The following ADGRA2 variants were observed in gnomAD, a reference collection of about 807,000 sequenced individuals.
The protein encoded by ADGRA2 is G-protein coupled receptor 124.
A neutral mutation model predicts 98.7 loss-of-function variants in ADGRA2; 61 were observed. That is an observed-to-expected ratio of 0.62 (90% CI 0.50 to 0.76). The LOEUF is 0.76. Among genes scored for constraint, ADGRA2 ranks in the 30% least tolerant of loss-of-function variants. The pLI, the probability that ADGRA2 is intolerant of heterozygous loss-of-function variation, is 0.00. For missense variants in ADGRA2, 1,712 were observed against 1,860.0 expected (o/e 0.92, Z 1.46); for synonymous variants, 858 against 831.5 (o/e 1.03, Z -0.55).
In ADGRA2 at chr8:37,797,126, G is replaced by C; in HGVS notation, c.-143G>C. On this transcript the variant is annotated 5_prime_UTR_variant, in exon 1 of 19. Coordinates refer to ENST00000412232, the MANE Select transcript of ADGRA2 (RefSeq NM_032777.10). The surrounding 1 kb of genome is among the most constrained non-coding windows in gnomAD (Gnocchi z 5.3). ...CCCGGGGCGCGGCGGCGGGGACCCC[G>C]GGGCTCGCCTCCGCCCAGGGCCCCC... is the stretch of plus-strand genomic sequence containing the variant. The C allele has an allele frequency of 3.9e-5, 18 of 467,006 alleles. No homozygotes were observed. Among genetic ancestry groups the C allele is most frequent in the East Asian group, 1.3e-4 (2 of 15,338 alleles). 28.9% of individuals were successfully genotyped at this position (467,006 alleles called of 1,614,324 possible). A position where few individuals can be genotyped will look rare whatever the true frequency, so the allele number is the denominator to read the frequency against.
intron 13 of ADGRA2, 42 bp from the exon 14 acceptor site, chr8:37,837,689 C>A (rs1476042670): frequency 2.0e-6 from 3 of 1,502,386 alleles, no homozygotes; most frequent in African/African-American, 1.4e-5. Context: ...ACCTCCCTGA[C>A]ACCCTGTGTG....
At position 37,838,980 on chromosome 8, in the gene ADGRA2, G is replaced by A; in HGVS notation, c.2284G>A (p.Val762Met). The A allele has an allele frequency of 6.3e-7, 1 of 1,577,176 alleles. No homozygotes were observed. Among genetic ancestry groups the A allele is most frequent in the South Asian group, 1.2e-5 (1 of 84,892 alleles). ...GGAGCTGAGCGCCTTTCCCAGGGAGGTGGGGGGCGCCGGGGCAGGGCTGCA... is the reference window on the plus strand; with the variant it reads ...GGAGCTGAGCGCCTTTCCCAGGGAGATGGGGGGCGCCGGGGCAGGGCTGCA... ...LMELSAFPRE[V>M]GGAGAGLHPV... The change falls in exon 15 of 19, where the codon GTG becomes ATG. Residue 762 changes from valine (V) to methionine (M), a missense_variant. By Grantham distance (21) the Val-to-Met change is conservative. Coordinates refer to ENST00000412232, the MANE Select transcript of ADGRA2 (RefSeq NM_032777.10).
chr8:37,824,715 C>T (rs184208768), intron 2 of ADGRA2, among the ~76,000 whole-genome samples: 154 of 152,194 alleles, frequency 1.0e-3, no homozygotes, highest in African/African-American at 3.6e-3. Flanking sequence ...AGGCTGGTCT[C>T]GAACTCCTGA....
At chr8:37,837,700 T>G in intron 13 of ADGRA2, 31 bp from the exon 14 acceptor site, 1 of 1,530,078 alleles carries the variant, frequency 6.5e-7, no homozygotes, top group South Asian at 1.2e-5. Context: ...ACCCTGTGTG[T>G]GTCTGTGTGG....
chr8:37,828,140 A>AAAAACAAAACAAAAC (rs59468651), intron 2 of ADGRA2, among the ~76,000 whole-genome samples: 1 of 151,280 alleles, frequency 6.6e-6, no homozygotes, highest in African/African-American at 2.4e-5. Flanking sequence ...ACCCAGCCTC[A>AAAAACAAAACAAAAC]AAAACAAAAC....
chr8:37,843,375 C>T lies in ADGRA2; in HGVS notation c.*1020C>T, dbSNP rs552409122. 3.9e-5 allele frequency: 6 copies of T among 152,420 alleles called. 1 individual carries two copies. The highest frequency in any genetic ancestry group is 1.4e-4 in the African/African-American group (6 of 41,580). The allele number at this position is 152,420 out of a possible 1,614,324, so 9.4% of individuals were successfully genotyped here. A position where few individuals can be genotyped will look rare whatever the true frequency, so the allele number is the denominator to read the frequency against. ...TCTCCAGCTCCACAGTAGAGAGAAA[C>T]CTACAAAATGTCAAACCAGCTTCCC... On this transcript the variant is annotated 3_prime_UTR_variant, in exon 19 of 19. Coordinates refer to ENST00000412232, the MANE Select transcript of ADGRA2 (RefSeq NM_032777.10).
intron 8 of ADGRA2, 66 bp downstream of exon 8, chr8:37,831,653 C>G: frequency 6.9e-7 from 1 of 1,453,718 alleles, no homozygotes; most frequent in Non-Finnish European, 9.5e-7. Flanking sequence ...CCTGACATCA[C>G]AGGTGGCCAG....
chr8:37,799,170 T>C (rs188496756), intron 1 of ADGRA2, among the ~76,000 whole-genome samples: 1 of 151,178 alleles, frequency 6.6e-6, no homozygotes, highest in East Asian at 1.9e-4. Context: ...AGGTCAGGAG[T>C]TCGAGACCAG....
intron 1 of ADGRA2, among the ~76,000 whole-genome samples, chr8:37,804,388 C>T (rs1475152201): frequency 6.6e-6 from 1 of 152,150 alleles, no homozygotes; most frequent in Non-Finnish European, 1.5e-5. Context: ...CAGCAGGGGC[C>T]CTGGAGGCCA....
chr8:37,802,308 C>T lies in ADGRA2; in HGVS notation c.266+4774C>T, dbSNP rs758131667. Among the ~76,000 whole-genome samples the T allele has an allele frequency of 4.1e-4, 63 of 152,216 alleles. No homozygotes were observed. The highest frequency in any genetic ancestry group is 1.0e-3 in the South Asian group (5 of 4,816). On this transcript the variant is annotated intron_variant, in intron 1 of 18. Transcript: ENST00000412232. The surrounding 1 kb of genome is among the most constrained non-coding windows in gnomAD (Gnocchi z 4.7). ...CAGGACAAGGATGCTGGTGGAGGGG[C>T]GGGCCCAGGCCGGCGCCTCCACCCC...
At chr8:37,840,942 C>T in intron 18 of ADGRA2, 93 bp downstream of exon 18, 3 of 1,154,436 alleles carry the variant, frequency 2.6e-6, no homozygotes. Flanking sequence ...TCCACCCAGC[C>T]ATAACCCAAC....
chr8:37,839,726 G>A, intron 16 of ADGRA2, 104 bp downstream of exon 16: 1 of 1,430,800 alleles, frequency 7.0e-7, no homozygotes, highest in Non-Finnish European at 9.6e-7. Flanking sequence ...GTGCTCATAG[G>A]CCGTGGCTCC....
chr8:37,839,621 C>T lies in ADGRA2; in HGVS notation c.2510C>T (p.Ala837Val), dbSNP rs781535229. 57 of 1,613,602 alleles carry T rather than the reference C, an allele frequency of 3.5e-5. No individual in the cohort carries two copies. Among genetic ancestry groups the T allele is most frequent in the Non-Finnish European group, 4.4e-5 (52 of 1,179,790 alleles). ...TLTNYQMVCQAVGITLHYSSL... is the reference protein window; with the variant it reads ...TLTNYQMVCQVVGITLHYSSL... ...ACCAACTACCAGATGGTCTGCCAGG[C>T]GGTAAGCAGGAGAAGGGGCTCTGGG... The change falls in exon 16 of 19, where the codon GCG becomes GTG. Residue 837 changes from alanine (A) to valine (V), a missense_variant and splice_region_variant. Physicochemically the swap from Ala to Val is moderately conservative, Grantham distance 64. Transcript: ENST00000412232.
rs1448997725 is a variant in ADGRA2 at position 37,841,793 on chromosome 8, C to T, written c.3455C>T (p.Ala1152Val). The T allele has an allele frequency of 3.9e-6, 6 of 1,531,194 alleles. No homozygotes were observed. The South Asian group carries it at 4.8e-5, about 12-fold the overall frequency. 94.9% of individuals were successfully genotyped at this position (1,531,194 alleles called of 1,614,324 possible). The change falls in exon 19 of 19, where the codon GCG (alanine) becomes GTG (valine). Residue 1152 changes from alanine (A) to valine (V), a missense_variant. Ala to Val is a moderately conservative substitution (Grantham distance 64). Coordinates refer to ENST00000412232, the MANE Select transcript of ADGRA2 (RefSeq NM_032777.10). This position sits in a 1 kb window ranked among gnomAD's most constrained non-coding sequence, Gnocchi z 5.0. Reference sequence around the variant, plus strand: ...AGTCAGGTGTGCGAGGCGGGGGCGGCGGCCGGCGGGGAAGGAGAGCCGGAG... The same window carrying T: ...AGTCAGGTGTGCGAGGCGGGGGCGGTGGCCGGCGGGGAAGGAGAGCCGGAG... ...AQSQVCEAGAAAGGEGEPEPA... is the reference protein window; with the variant it reads ...AQSQVCEAGAVAGGEGEPEPA...
chr8:37,835,158 A>G lies in ADGRA2; in HGVS notation c.1609-16A>G, dbSNP rs536674944. ...CACCATCTCAAATGGTGGGATGACA[A>G]GGTCCCTGTCCCCAGAATGCGAGGA... is the stretch of plus-strand genomic sequence containing the variant. On this transcript the variant is annotated splice_polypyrimidine_tract_variant and intron_variant, in intron 11 of 18. Coordinates refer to ENST00000412232, the MANE Select transcript of ADGRA2 (RefSeq NM_032777.10). 6.6e-5 allele frequency: 105 copies of G among 1,596,566 alleles called. 1 individual carries two copies. The South Asian group carries it at 1.1e-3, about 17-fold the overall frequency.
In ADGRA2 at chr8:37,835,367, C is replaced by T. The variant is rs754908217; in HGVS notation, c.1802C>T (p.Pro601Leu). 1 of 1,612,284 alleles carries T rather than the reference C, an allele frequency of 6.2e-7. No individual in the cohort carries two copies. Residue 601 changes from proline (P) to leucine (L), a missense_variant, in exon 12 of 19, where the codon CCC (proline) becomes CTC (leucine). Coordinates refer to ENST00000412232, the MANE Select transcript of ADGRA2 (RefSeq NM_032777.10). ...CGCTTCCGCTGCACCACCGGGAGGCCCAATGTTTCTCTGTCGTCCTTCCAC... is the reference window on the plus strand; with the variant it reads ...CGCTTCCGCTGCACCACCGGGAGGCTCAATGTTTCTCTGTCGTCCTTCCAC... The part of the protein sequence containing the change: ...QLRFRCTTGR[P>L]NVSLSSFHIK...
rs751655530 is a variant in ADGRA2, at chr8:37,840,742, A to G, written c.2658-18A>G. On this transcript the variant is annotated intron_variant, in intron 17 of 18. Coordinates refer to ENST00000412232, the MANE Select transcript of ADGRA2 (RefSeq NM_032777.10). ...CCTTTCCCCATCTCTGGGACCCCCA[A>G]TCCCTCATTCCCTCCAGGTTCTATT... The G allele has an allele frequency of 3.6e-6, 5 of 1,405,930 alleles. No homozygotes were observed. Among genetic ancestry groups the G allele is most frequent in the African/African-American group, 1.4e-5 (1 of 71,002 alleles). 87.1% of individuals were successfully genotyped at this position (1,405,930 alleles called of 1,614,324 possible).
intron 2 of ADGRA2, among the ~76,000 whole-genome samples, chr8:37,818,900 G>GAGGAAGGAAGCCTGGAGCTCTC (rs1342645409): frequency 6.6e-6 from 1 of 152,174 alleles, no homozygotes; most frequent in Non-Finnish European, 1.5e-5. Context: ...CTGAAGGGAC[G>GAGGAAGGAAGCCTGGAGCTCTC]AGGAAGGAAG....
intron 16 of ADGRA2, among the ~76,000 whole-genome samples, 181 bp from the exon 17 acceptor site, chr8:37,839,940 G>A (rs1190720527): frequency 6.6e-6 from 1 of 152,182 alleles, no homozygotes; most frequent in African/African-American, 2.4e-5. Context: ...GAACCCTGGG[G>A]TGAAGGCAGA....
Sources: allele counts gnomAD v4.1 joint callset (sites outside exome capture counted in the v4.1 genomes callset), GRCh38; gene constraint gnomAD v4.1.1; non-coding constraint Gnocchi (gnomAD v3.1); transcripts MANE v1.5; gene names NCBI Gene and HGNC (gene_info 2026-07-23, HGNC 2026-07-21).